Variants in KLHL2 observed in about 807,000 individuals in gnomAD.
KLHL2 encodes kelch like family member 2.
Under a neutral mutation model 75.8 loss-of-function variants are expected in KLHL2, and 15 were observed. The ratio of observed to expected loss-of-function variants is 0.20; its 90% confidence interval spans 0.13 to 0.30. The LOEUF is 0.30. Ranked by LOEUF, KLHL2 falls within the 10% of genes least tolerant of loss-of-function variation. The probability of loss-of-function intolerance (pLI) is 1.00; values close to 1 mark genes in which losing one functional copy is unlikely to be tolerated. For synonymous variants in KLHL2, 214 were observed against 251.9 expected (o/e 0.85, Z 1.42); for missense variants, 381 against 741.0 (o/e 0.51, Z 5.64).
In KLHL2 at chr4:165,319,871, T is replaced by A. The variant is rs979513162; in HGVS notation, c.1753+1902T>A. 2.0e-5 allele frequency among the ~76,000 whole-genome samples: 3 copies of A among 152,184 alleles called. No homozygotes were observed. The highest frequency in any genetic ancestry group is 7.2e-5 in the African/African-American group (3 of 41,452). ...GTGCAGGATTGCTGTAAGAAAGGCATACCTGTCAACTCTAATATGATTTGA... is the reference window on the plus strand; with the variant it reads ...GTGCAGGATTGCTGTAAGAAAGGCAAACCTGTCAACTCTAATATGATTTGA... On this transcript the variant is annotated intron_variant, in intron 14 of 14. Coordinates refer to ENST00000226725, the MANE Select transcript of KLHL2 (RefSeq NM_007246.4). This position sits in a 1 kb window ranked among gnomAD's most constrained non-coding sequence, Gnocchi z 4.5.
intron 5 of KLHL2, among the ~76,000 whole-genome samples, chr4:165,264,949 C>T (rs1358770104): frequency 6.6e-6 from 1 of 151,192 alleles, no homozygotes; most frequent in African/African-American, 2.4e-5. Context: ...GAGGAATCTC[C>T]AGACTGTTTT....
chr4:165,270,853 C>T (rs1291989285), intron 5 of KLHL2, among the ~76,000 whole-genome samples: 1 of 152,204 alleles, frequency 6.6e-6, no homozygotes, highest in Non-Finnish European at 1.5e-5. Flanking sequence ...CTGCTCTCTT[C>T]AGAGATGTCA....
chr4:165,219,690 G>A, intron 1 of KLHL2: 1 of 1,271,304 alleles, frequency 7.9e-7, no homozygotes, highest in Non-Finnish European at 9.9e-7. Flanking sequence ...AATATTCTGT[G>A]TTGATCTTTG....
At chr4:165,271,851 T>C (rs1742722347) in intron 5 of KLHL2, among the ~76,000 whole-genome samples, 1 of 152,146 alleles carries the variant, frequency 6.6e-6, no homozygotes, top group Non-Finnish European at 1.5e-5. Flanking sequence ...AACTGTAACT[T>C]CCCCAGATTT....
intron 7 of KLHL2, 128 bp from the exon 8 acceptor site, chr4:165,299,379 C>T (rs964753327): frequency 1.2e-5 from 9 of 760,568 alleles, no homozygotes; most frequent in African/African-American, 1.8e-5. Context: ...AAACTTTCCT[C>T]GTTTATTTTT....
intron 4 of KLHL2, among the ~76,000 whole-genome samples, chr4:165,245,029 G>A (rs1228680893): frequency 3.3e-5 from 5 of 152,140 alleles, no homozygotes; most frequent in Non-Finnish European, 5.9e-5. Context: ...CCAACATGGT[G>A]AAACCTCATC....
intron 14 of KLHL2, among the ~76,000 whole-genome samples, chr4:165,321,727 C>G (rs1746996453): frequency 6.6e-6 from 1 of 152,120 alleles, no homozygotes; most frequent in African/African-American, 2.4e-5. Flanking sequence ...AGATAATGAA[C>G]ATATCCATCA....
intron 4 of KLHL2, among the ~76,000 whole-genome samples, chr4:165,247,163 A>G (rs1740325440): frequency 6.6e-6 from 1 of 152,156 alleles, no homozygotes; most frequent in Non-Finnish European, 1.5e-5. Flanking sequence ...TATGCCTGCT[A>G]ATCTGGTGTC....
intron 3 of KLHL2, among the ~76,000 whole-genome samples, chr4:165,232,666 G>A (rs936704966): frequency 4.6e-5 from 7 of 152,038 alleles, no homozygotes; most frequent in African/African-American, 1.7e-4. Flanking sequence ...CTTGAGCCTA[G>A]GAAGCAGAGG....
At chr4:165,254,080 G>T (rs1579049831) in intron 4 of KLHL2, among the ~76,000 whole-genome samples, 1 of 152,214 alleles carries the variant, frequency 6.6e-6, no homozygotes. Flanking sequence ...AAAATACTTG[G>T]TGTGGAAGTG....
chr4:165,235,919 G>A, intron 3 of KLHL2, among the ~76,000 whole-genome samples: 1 of 152,118 alleles, frequency 6.6e-6, no homozygotes, highest in Non-Finnish European at 1.5e-5. Context: ...AATAGCGGGA[G>A]GAGAGAGAGA....
chr4:165,259,291 C>T (rs765516400), intron 4 of KLHL2, among the ~76,000 whole-genome samples: 20 of 151,964 alleles, frequency 1.3e-4, no homozygotes, highest in Non-Finnish European at 2.6e-4. Context: ...TTAGTAGAAA[C>T]GAGGTTTTGC....
At chr4:165,247,140 G>A (rs1740323622) in intron 4 of KLHL2, among the ~76,000 whole-genome samples, 1 of 152,196 alleles carries the variant, frequency 6.6e-6, no homozygotes, top group African/African-American at 2.4e-5. Flanking sequence ...GTTTGCCTGA[G>A]ACAGTCCTAT....
chr4:165,273,250 A>G (rs1462423131), intron 5 of KLHL2, among the ~76,000 whole-genome samples: 3 of 152,146 alleles, frequency 2.0e-5, no homozygotes, highest in Admixed American at 2.0e-4. Context: ...AGCTTGAGGA[A>G]TTTTATACAT....
chr4:165,291,317 G>C (rs1413569755), intron 5 of KLHL2, among the ~76,000 whole-genome samples: 1 of 152,138 alleles, frequency 6.6e-6, no homozygotes, highest in Non-Finnish European at 1.5e-5. Context: ...TTGCAGAGCA[G>C]AGAAGTTGTT....
chr4:165,294,478 T>A lies in KLHL2; in HGVS notation c.654+10T>A, dbSNP rs1226583363. On this transcript the variant is annotated intron_variant, in intron 6 of 14. Transcript: ENST00000226725. Reference sequence around the variant, plus strand: ...TTCTTCAGAAGAGAAGGTAAGGATATTTTTCTTTTCCCAGTGTGCAATGAT... The same window carrying A: ...TTCTTCAGAAGAGAAGGTAAGGATAATTTTCTTTTCCCAGTGTGCAATGAT... The A allele has an allele frequency of 1.3e-6, 2 of 1,491,794 alleles. No individual in the cohort carries two copies. Among genetic ancestry groups the A allele is most frequent in the South Asian group, 2.3e-5 (2 of 86,674 alleles). 92.4% of individuals were successfully genotyped at this position (1,491,794 alleles called of 1,614,324 possible).
In KLHL2 at chr4:165,312,787, GTTTA is replaced by G. The variant is rs1273356126; in HGVS notation, c.1340-445_1340-442del. 2.6e-5 allele frequency among the ~76,000 whole-genome samples: 4 copies of G among 152,252 alleles called. No individual in the cohort carries two copies. The East Asian group carries it at 7.7e-4, about 29-fold the overall frequency. On this transcript the variant is annotated intron_variant, in intron 11 of 14. Transcript: ENST00000226725. ...GCTTAGGGTGATGTTTTCAAGATTT[GTTTA>G]TTTATACTGAGGCATTTATTAGTAC...
At chr4:165,209,712 A>G (rs911383599) in intron 1 of KLHL2, among the ~76,000 whole-genome samples, 7 of 152,234 alleles carry the variant, frequency 4.6e-5, no homozygotes, top group African/African-American at 1.4e-4. Flanking sequence ...AGCATGGATG[A>G]AAGAATTGTT....
intron 5 of KLHL2, chr4:165,277,759 A>C (rs912960105): frequency 5.5e-5 from 24 of 432,654 alleles, no homozygotes; most frequent in Middle Eastern, 1.2e-3. Flanking sequence ...ACACACACAC[A>C]CACACACACA....
Sources: gnomAD v4.1 joint callset for allele counts (sites outside exome capture counted in the v4.1 genomes callset) on GRCh38, gnomAD v4.1.1 for gene constraint, Gnocchi (gnomAD v3.1) non-coding constraint, MANE v1.5 for transcripts, NCBI Gene and HGNC (gene_info 2026-07-23, HGNC 2026-07-21) for gene names.